ACACB: variants seen among roughly 807,000 people sequenced by gnomAD.
ACACB encodes the protein acetyl-CoA carboxylase 2.
Under a neutral mutation model 278.8 loss-of-function variants are expected in ACACB, and 209 were observed. That is an observed-to-expected ratio of 0.75 (90% CI 0.67 to 0.84). The LOEUF is 0.84. Among genes scored for constraint, ACACB ranks in the 40% least tolerant of loss-of-function variants. ACACB has a pLI of 0.00. For synonymous variants in ACACB, 1,174 were observed against 1,285.6 expected (o/e 0.91, Z 1.86); for missense variants, 2,850 against 3,269.0 (o/e 0.87, Z 3.13).
rs373523045 is a variant in ACACB at position 109,191,849 on chromosome 12, G to T, written c.2298G>T (p.Ala766=). Residue 766 remains alanine (A), a splice_region_variant and synonymous_variant, in exon 15 of 53, where the codon GCG becomes GCT. Transcript: ENST00000338432. ...LDYLIAEKVQ[A]EKPDIMLGVV... ...TACTGAAGTGCATTTTCTCCTAGGC[G>T]GAGAAACCGGATATCATGCTTGGGG... 6.2e-7 allele frequency: 1 copy of T among 1,614,084 alleles called. No homozygotes were observed. The highest frequency in any genetic ancestry group is 1.3e-5 in the African/African-American group (1 of 74,926).
chr12:109,174,362 C>A (rs1448464543), intron 7 of ACACB, 132 bp downstream of exon 7: 2 of 673,342 alleles, frequency 3.0e-6, no homozygotes, highest in Non-Finnish European at 2.3e-6. Flanking sequence ...ATTTTTTAGT[C>A]ATTAGCAAAA....
Position 109,137,008 on chromosome 12 carries a change from T to A in ACACB, c.-9-2389T>A, listed in dbSNP as rs1050397245. Among the ~76,000 whole-genome samples the A allele has an allele frequency of 8.5e-5, 13 of 152,314 alleles. No homozygotes were observed. The East Asian group carries it at 2.5e-3, about 29-fold the overall frequency. On this transcript the variant is annotated intron_variant, in intron 1 of 52. Transcript: ENST00000338432. ...TAAATGTACTTTATTAAGTTGCAGTTCCCTTCTGTTCCTAATTTTCTGAAT... is the reference window on the plus strand; with the variant it reads ...TAAATGTACTTTATTAAGTTGCAGTACCCTTCTGTTCCTAATTTTCTGAAT...
chr12:109,195,630 C>A (rs1555218493), intron 16 of ACACB, among the ~76,000 whole-genome samples: 1 of 152,060 alleles, frequency 6.6e-6, no homozygotes, highest in Non-Finnish European at 1.5e-5. Context: ...TATTTTTTTC[C>A]TTTTGCATTA....
At chr12:109,207,537 C>T (rs967122294) in intron 20 of ACACB, among the ~76,000 whole-genome samples, 2 of 152,230 alleles carry the variant, frequency 1.3e-5, no homozygotes, top group African/African-American at 2.4e-5. Context: ...CTCTGATTTG[C>T]AGACCTCCTT....
chr12:109,120,888 A>C (rs886169431), intron 1 of ACACB, among the ~76,000 whole-genome samples: 15 of 152,306 alleles, frequency 9.8e-5, no homozygotes, highest in African/African-American at 3.4e-4. Flanking sequence ...TAACACACAC[A>C]AAGTGCACAG....
In ACACB at chr12:109,246,540, A is replaced by T. The variant is rs2046951813; in HGVS notation, c.5571+92A>T. On this transcript the variant is annotated intron_variant, in intron 39 of 52. Transcript: ENST00000338432. The stretch of plus-strand genomic sequence containing the variant: ...CTAGCACCTGCAAGAGGTGAAAAAA[A>T]TCTCACTTATGTATAAAGCACAGAT... 6 of 1,472,692 alleles carry T rather than the reference A, an allele frequency of 4.1e-6. No homozygotes were observed. The East Asian group carries it at 1.4e-4, about 34-fold the overall frequency. The allele number at this position is 1,472,692 out of a possible 1,614,324, so 91.2% of individuals were successfully genotyped here.
In ACACB at chr12:109,179,119, T is replaced by G; in HGVS notation, c.1469T>G (p.Phe490Cys). 6.2e-7 allele frequency: 1 copy of G among 1,613,816 alleles called. No homozygotes were observed. The highest frequency in any genetic ancestry group is 8.5e-7 in the Non-Finnish European group (1 of 1,179,864). Residue 490 changes from phenylalanine to cysteine, a missense_variant, in exon 10 of 53, where the codon TTT becomes TGT. Physicochemically the swap from Phe to Cys is radical, Grantham distance 205. Coordinates refer to ENST00000338432, the MANE Select transcript of ACACB (RefSeq NM_001093.4). ...AGTGAGATCCCAGGCTCGCCCATCT[T>G]TCTCATGAAGCTGGCCCAGCACGCC... ...VQSEIPGSPI[F>C]LMKLAQHARH...
intron 9 of ACACB, among the ~76,000 whole-genome samples, chr12:109,176,581 A>C (rs1425599988): frequency 6.6e-6 from 1 of 152,186 alleles, no homozygotes; most frequent in Non-Finnish European, 1.5e-5. Flanking sequence ...TTTTATAAAT[A>C]TTAGTACTCT....
chr12:109,261,995 A>G (rs796642417), intron 48 of ACACB, among the ~76,000 whole-genome samples: 8 of 152,256 alleles, frequency 5.3e-5, no homozygotes, highest in African/African-American at 1.9e-4. Flanking sequence ...GATCAGAAAC[A>G]GTGCCCCTCC....
At chr12:109,228,170 T>A (rs1234813590) in intron 28 of ACACB, among the ~76,000 whole-genome samples, 5 of 150,780 alleles carry the variant, frequency 3.3e-5, no homozygotes, top group Non-Finnish European at 7.4e-5. Context: ...ACCCTATCTC[T>A]ACTAAAAAAA....
Position 109,166,911 on chromosome 12 carries a change from A to G in ACACB, c.704A>G (p.Lys235Arg), listed in dbSNP as rs2043926030. The change falls in exon 3 of 53, where the codon AAG becomes AGG. Residue 235 changes from lysine to arginine, a missense_variant. By Grantham distance (26) the Lys-to-Arg change is conservative (BLOSUM62 2). Coordinates refer to ENST00000338432, the MANE Select transcript of ACACB (RefSeq NM_001093.4). ...HLVKRGREHK[K>R]LDLHRDFTVA... ...GTGAAGAGGGGACGGGAACACAAGA[A>G]GCTGGACCTGCACAGAGACTTTACC... The G allele has an allele frequency of 1.2e-6, 2 of 1,614,070 alleles. No homozygotes were observed. The highest frequency in any genetic ancestry group is 1.7e-6 in the Non-Finnish European group (2 of 1,180,022).
intron 1 of ACACB, among the ~76,000 whole-genome samples, chr12:109,131,171 G>A (rs748496135): frequency 6.6e-6 from 1 of 152,210 alleles, no homozygotes; most frequent in Non-Finnish European, 1.5e-5. Flanking sequence ...TTGAGGTCAG[G>A]AGAAGGCTGA....
chr12:109,255,800 C>T (rs573108918), intron 44 of ACACB, among the ~76,000 whole-genome samples: 1 of 152,328 alleles, frequency 6.6e-6, no homozygotes, highest in Admixed American at 6.5e-5. Flanking sequence ...AAAATCCCAC[C>T]TTCTGGAGGT....
At chr12:109,184,917 GC>G (rs2044602330) in intron 11 of ACACB, among the ~76,000 whole-genome samples, 2 of 151,962 alleles carry the variant, frequency 1.3e-5, no homozygotes, top group Non-Finnish European at 2.9e-5. Context: ...TCATTATGTT[GC>G]CCAGGCTGGT....
intron 42 of ACACB, 84 bp from the exon 43 acceptor site, chr12:109,252,931 T>C (rs146921975): frequency 4.9e-5 from 65 of 1,335,476 alleles, no homozygotes; most frequent in Non-Finnish European, 6.1e-5. Flanking sequence ...GTAGCCAGGA[T>C]TGAGAAGCAC....
At chr12:109,145,799 G>C (rs2043229243) in intron 2 of ACACB, among the ~76,000 whole-genome samples, 1 of 151,050 alleles carries the variant, frequency 6.6e-6, no homozygotes, top group Admixed American at 6.6e-5. Flanking sequence ...AGGAGTTTGA[G>C]ACCAGCCTGG....
chr12:109,266,517 T>A lies in ACACB; in HGVS notation c.*155T>A. 2.1e-6 allele frequency: 2 copies of A among 959,908 alleles called. No homozygotes were observed. The highest frequency in any genetic ancestry group is 2.9e-6 in the Non-Finnish European group (2 of 697,196). 59.5% of individuals were successfully genotyped at this position (959,908 alleles called of 1,614,324 possible). A position where few individuals can be genotyped will look rare whatever the true frequency, so the allele number is the denominator to read the frequency against. ...GCTGGTTCCGAGCTGACACCCGTCTTAACAAAAGGCCCAGGAGTGCCTCTT... is the reference window on the plus strand; with the variant it reads ...GCTGGTTCCGAGCTGACACCCGTCTAAACAAAAGGCCCAGGAGTGCCTCTT... On this transcript the variant is annotated 3_prime_UTR_variant, in exon 53 of 53. Coordinates refer to ENST00000338432, the MANE Select transcript of ACACB (RefSeq NM_001093.4).
At chr12:109,160,269 A>C (rs942306962) in intron 2 of ACACB, among the ~76,000 whole-genome samples, 3 of 152,156 alleles carry the variant, frequency 2.0e-5, no homozygotes, top group African/African-American at 7.2e-5. Context: ...TTCTGAGGTC[A>C]GCTAGAGTTG....
chr12:109,216,566 A>G, intron 22 of ACACB, 52 bp from the exon 23 acceptor site: 2 of 1,529,642 alleles, frequency 1.3e-6, no homozygotes, highest in South Asian at 2.3e-5. Context: ...CTAAATATTC[A>G]GGTACTCAAG....
Sources: allele counts gnomAD v4.1 joint callset (sites outside exome capture counted in the v4.1 genomes callset), GRCh38; gene constraint gnomAD v4.1.1; transcripts MANE v1.5; gene names NCBI Gene and HGNC (gene_info 2026-07-23, HGNC 2026-07-21).